Variants in CNTNAP2 observed in about 807,000 individuals in gnomAD.
The protein encoded by CNTNAP2 is contactin-associated protein-like 2.
A neutral mutation model predicts 155.2 loss-of-function variants in CNTNAP2; 98 were observed. The ratio of observed to expected loss-of-function variants is 0.63; its 90% confidence interval spans 0.54 to 0.75. The LOEUF is 0.75. CNTNAP2 is among the 30% of genes least tolerant of loss of function. The pLI, the probability that CNTNAP2 is intolerant of heterozygous loss-of-function variation, is 0.00. For synonymous variants in CNTNAP2, 651 were observed against 631.2 expected (o/e 1.03, Z -0.47); for missense variants, 1,727 against 1,688.1 (o/e 1.02, Z -0.40).
chr7:146,725,765 G>A (rs1801421095), intron 1 of CNTNAP2, among the ~76,000 whole-genome samples: 1 of 152,040 alleles, frequency 6.6e-6, no homozygotes, highest in Non-Finnish European at 1.5e-5. Context: ...CAGCATGCGG[G>A]AGGAACATCT....
At chr7:147,128,890 T>TC in intron 7 of CNTNAP2, 54 bp downstream of exon 7, 1 of 1,609,006 alleles carries the variant, frequency 6.2e-7, no homozygotes, top group Non-Finnish European at 8.5e-7. Flanking sequence ...GTAACATTTT[T>TC]GTTTTTTGGA....
At chr7:146,712,256 T>A (rs545287443) in intron 1 of CNTNAP2, among the ~76,000 whole-genome samples, 54 of 52,324 alleles carry the variant, frequency 1.0e-3, no homozygotes, top group Non-Finnish European at 2.6e-3. Flanking sequence ...TATACAAATA[T>A]GTATACATAT....
At chr7:146,467,771 C>T (rs1450783363) in intron 1 of CNTNAP2, among the ~76,000 whole-genome samples, 1 of 152,074 alleles carries the variant, frequency 6.6e-6, no homozygotes, top group Non-Finnish European at 1.5e-5. Context: ...CTAGTACTCA[C>T]ATAACTATAT....
chr7:147,829,675 A>T (rs1276978841), intron 13 of CNTNAP2, among the ~76,000 whole-genome samples: 1 of 152,210 alleles, frequency 6.6e-6, no homozygotes, highest in Non-Finnish European at 1.5e-5. Context: ...CACACAAATC[A>T]TGAACACTCT....
chr7:146,937,363 T>TAAAAA (rs374315906), intron 3 of CNTNAP2, among the ~76,000 whole-genome samples: 2 of 76,024 alleles, frequency 2.6e-5, no homozygotes, highest in Non-Finnish European at 7.5e-5. Flanking sequence ...AAAAAAAAAA[T>TAAAAA]AAAAATAAAA....
chr7:146,226,898 C>A (rs532270709), intron 1 of CNTNAP2, among the ~76,000 whole-genome samples: 2 of 152,022 alleles, frequency 1.3e-5, no homozygotes, highest in East Asian at 1.9e-4. Context: ...AAAATCATAA[C>A]CACATGTACA....
intron 1 of CNTNAP2, among the ~76,000 whole-genome samples, chr7:146,137,164 C>T (rs1797809800): frequency 6.6e-6 from 1 of 152,124 alleles, no homozygotes; most frequent in African/African-American, 2.4e-5. Flanking sequence ...AAAAACAGAA[C>T]TAATATACTT....
intron 3 of CNTNAP2, among the ~76,000 whole-genome samples, chr7:146,859,927 G>C (rs1324315578): frequency 1.3e-5 from 2 of 152,066 alleles, no homozygotes; most frequent in East Asian, 3.9e-4. Flanking sequence ...AAACCAATGT[G>C]GTCAGCAGTA....
intron 1 of CNTNAP2, among the ~76,000 whole-genome samples, chr7:146,128,503 A>G (rs1296441499): frequency 6.6e-6 from 1 of 152,212 alleles, no homozygotes; most frequent in African/African-American, 2.4e-5. Flanking sequence ...GCCGTAAAAT[A>G]CTTGAAGACA....
intron 9 of CNTNAP2, among the ~76,000 whole-genome samples, chr7:147,315,492 T>C (rs1584867222): frequency 6.7e-6 from 1 of 148,396 alleles, no homozygotes; most frequent in South Asian, 2.2e-4. Context: ...TTTTTTTTTT[T>C]TTTTTTTGAG....
At chr7:147,668,650 T>A (rs1416989082) in intron 13 of CNTNAP2, among the ~76,000 whole-genome samples, 1 of 152,122 alleles carries the variant, frequency 6.6e-6, no homozygotes, top group Non-Finnish European at 1.5e-5. Flanking sequence ...TATTTAAAAA[T>A]CTTAAGGTAA....
rs973340465 is a variant in CNTNAP2, at chr7:147,969,462, T to A, written c.2256-8400T>A. Reference sequence around the variant, plus strand: ...CCTAGCACAAGTGATTGCATGTTGGTTTGGTCTGAGTTGTTGGGACCTACT... The same window carrying A: ...CCTAGCACAAGTGATTGCATGTTGGATTGGTCTGAGTTGTTGGGACCTACT... On this transcript the variant is annotated intron_variant, in intron 14 of 23. Transcript: ENST00000361727. Among the ~76,000 whole-genome samples, 11 of 152,236 alleles carry A rather than the reference T, an allele frequency of 7.2e-5. 1 individual carries two copies. The South Asian group carries it at 1.9e-3, about 26-fold the overall frequency.
Position 146,839,852 on chromosome 7 carries a change from A to G in CNTNAP2, c.350A>G (p.Tyr117Cys). Residue 117 changes from tyrosine to cysteine, a missense_variant, in exon 3 of 24, where the codon TAC (tyrosine) becomes TGC (cysteine). Physicochemically the swap from Tyr to Cys is radical, Grantham distance 194. Coordinates refer to ENST00000361727, the MANE Select transcript of CNTNAP2 (RefSeq NM_014141.6). Reference protein sequence around the residue: ...SDWVTQYRMLYSDTGRNWKPY... With the variant: ...SDWVTQYRMLCSDTGRNWKPY... ...TGGGTGACCCAATACCGGATGCTCT[A>G]CAGCGACACAGGGAGAAACTGGAAA... 6.2e-7 allele frequency: 1 copy of G among 1,614,202 alleles called. No individual in the cohort carries two copies. Among genetic ancestry groups the G allele is most frequent in the Non-Finnish European group, 8.5e-7 (1 of 1,180,032 alleles).
rs563434774 is a variant in CNTNAP2, at chr7:146,460,107, A to T, written c.98-314164A>T. Among the ~76,000 whole-genome samples the T allele has an allele frequency of 1.2e-4, 19 of 152,304 alleles. No homozygotes were observed. In the East Asian group the frequency reaches 3.7e-3, roughly 29 times the overall value. On this transcript the variant is annotated intron_variant, in intron 1 of 23. Coordinates refer to ENST00000361727, the MANE Select transcript of CNTNAP2 (RefSeq NM_014141.6). ...TATTGGAACAAGAGCAGATTCCTAA[A>T]CTGGCCAAATCTCAGGAGAATGTTG...
At chr7:148,226,161 T>C (rs1326830017) in intron 19 of CNTNAP2, among the ~76,000 whole-genome samples, 1 of 152,120 alleles carries the variant, frequency 6.6e-6, no homozygotes, top group Admixed American at 6.5e-5. Flanking sequence ...ATTTTGAAGA[T>C]TGCTGATAAG....
At chr7:147,720,463 G>GGATA (rs1796548148) in intron 13 of CNTNAP2, among the ~76,000 whole-genome samples, 1 of 151,938 alleles carries the variant, frequency 6.6e-6, no homozygotes, top group Non-Finnish European at 1.5e-5. Context: ...ATTCATGGAT[G>GGATA]TGCCAAGTTA....
intron 1 of CNTNAP2, among the ~76,000 whole-genome samples, chr7:146,373,535 GA>G (rs1795265975): frequency 6.6e-6 from 1 of 151,552 alleles, no homozygotes; most frequent in South Asian, 2.1e-4. Flanking sequence ...GAAATATGTT[GA>G]AAAAAATGGA....
At chr7:147,665,013 G>C (rs851734) in intron 13 of CNTNAP2, among the ~76,000 whole-genome samples, 9,494 of 152,200 alleles carry the variant, frequency 0.062, 810 homozygotes, top group Admixed American at 0.17. Context: ...ATTTACAGAG[G>C]TATGTGTAAG....
At chr7:147,225,933 A>G (rs1347029007) in intron 8 of CNTNAP2, among the ~76,000 whole-genome samples, 2 of 130,972 alleles carry the variant, frequency 1.5e-5, no homozygotes, top group Admixed American at 7.4e-5. Context: ...GAAGGAAGGA[A>G]AGAAGGAAGG....
Sources: gnomAD v4.1 joint callset for allele counts (sites outside exome capture counted in the v4.1 genomes callset) on GRCh38, gnomAD v4.1.1 for gene constraint, MANE v1.5 for transcripts, NCBI Gene and HGNC (gene_info 2026-07-23, HGNC 2026-07-21) for gene names.